GSG1L: variants seen among roughly 807,000 people sequenced by gnomAD.
GSG1L encodes the protein germ cell-specific gene 1-like protein.
A neutral mutation model predicts 42.1 loss-of-function variants in GSG1L; 24 were observed. The observed-to-expected ratio is 0.57, with a 90% CI of 0.41 to 0.80. The LOEUF (loss-of-function observed/expected upper bound fraction) is 0.80, where lower values mean the gene tolerates loss of function less well. Among genes scored for constraint, GSG1L ranks in the 30% least tolerant of loss-of-function variants. The pLI is 0.00. For missense variants in GSG1L, 445 were observed against 472.2 expected (o/e 0.94, Z 0.53); for synonymous variants, 215 against 203.5 (o/e 1.06, Z -0.48).
At chr16:27,960,424 C>A (rs1011556524) in intron 2 of GSG1L, among the ~76,000 whole-genome samples, 6 of 151,986 alleles carry the variant, frequency 3.9e-5, no homozygotes, top group African/African-American at 1.2e-4. Flanking sequence ...GTGCCAGTGT[C>A]GCGATTATCG....
In GSG1L at chr16:27,949,582, C is replaced by T. The variant is rs146607047; in HGVS notation, c.397+13574G>A. ...TTACAGTGAGCTACGATTGCACCAC[C>T]GCACTCCAGCCTGGACGATAGAGTG... On this transcript the variant is annotated intron_variant, in intron 2 of 6. Transcript: ENST00000447459. Among the ~76,000 whole-genome samples the T allele has an allele frequency of 1.5e-3, 235 of 151,858 alleles. 1 individual carries two copies. The highest frequency in any genetic ancestry group is 5.4e-3 in the African/African-American group (223 of 41,392).
intron 2 of GSG1L, among the ~76,000 whole-genome samples, chr16:27,924,490 T>C (rs573803367): frequency 2.6e-5 from 4 of 152,346 alleles, no homozygotes; most frequent in African/African-American, 9.6e-5. Flanking sequence ...GTGTTGAGTT[T>C]TTTTTGGCAT....
chr16:27,853,580 T>A (rs1457980984), intron 3 of GSG1L, among the ~76,000 whole-genome samples: 1 of 152,194 alleles, frequency 6.6e-6, no homozygotes, highest in Non-Finnish European at 1.5e-5. Flanking sequence ...TCTGCAGAGA[T>A]CATTCCAATT....
chr16:27,819,045 C>T (rs944865770), intron 5 of GSG1L, among the ~76,000 whole-genome samples: 1 of 152,052 alleles, frequency 6.6e-6, no homozygotes, highest in Non-Finnish European at 1.5e-5. Context: ...GTCAGGAGTT[C>T]AAGACCAGCC....
chr16:27,989,182 T>A (rs2085426064), intron 1 of GSG1L, among the ~76,000 whole-genome samples: 1 of 152,026 alleles, frequency 6.6e-6, no homozygotes, highest in South Asian at 2.1e-4. Flanking sequence ...TATCAAAGAG[T>A]AAAGGTTTTT....
intron 1 of GSG1L, among the ~76,000 whole-genome samples, chr16:28,023,347 C>A (rs1302406252): frequency 6.6e-6 from 1 of 152,184 alleles, no homozygotes; most frequent in Non-Finnish European, 1.5e-5. Context: ...GAATATTCCA[C>A]AATTCATTTA....
At position 27,978,446 on chromosome 16, in the gene GSG1L, A is replaced by C. The variant is rs549720151; in HGVS notation, c.350-15243T>G. Among the ~76,000 whole-genome samples, 33 of 151,468 alleles carry C rather than the reference A, an allele frequency of 2.2e-4. No homozygotes were observed. The South Asian group carries it at 6.0e-3, about 28-fold the overall frequency. ...AGTGGCTCACGCCTGTAATCCCAGCACTTTGGGAAGCCAAGGTGGGCGGAT... is the reference window on the plus strand; with the variant it reads ...AGTGGCTCACGCCTGTAATCCCAGCCCTTTGGGAAGCCAAGGTGGGCGGAT... On this transcript the variant is annotated intron_variant, in intron 1 of 6. Coordinates refer to ENST00000447459, the MANE Select transcript of GSG1L (RefSeq NM_001109763.2).
At chr16:27,824,790 C>T (rs2083190349) in intron 5 of GSG1L, among the ~76,000 whole-genome samples, 1 of 152,216 alleles carries the variant, frequency 6.6e-6, no homozygotes, top group Admixed American at 6.5e-5. Flanking sequence ...GAGGTCTTGT[C>T]TTCTGCCTCA....
chr16:28,000,206 G>A (rs1021243998), intron 1 of GSG1L, among the ~76,000 whole-genome samples: 5 of 152,204 alleles, frequency 3.3e-5, no homozygotes, highest in Admixed American at 1.3e-4. Flanking sequence ...AGTGGCTCAC[G>A]CCTATAATCC....
chr16:27,990,651 GA>G (rs539486210), intron 1 of GSG1L, among the ~76,000 whole-genome samples: 3 of 152,160 alleles, frequency 2.0e-5, no homozygotes, highest in Non-Finnish European at 4.4e-5. Context: ...ACCTCAAGAA[GA>G]AAAGAATTCA....
At chr16:27,872,605 C>T (rs1474215438) in intron 3 of GSG1L, among the ~76,000 whole-genome samples, 1 of 152,172 alleles carries the variant, frequency 6.6e-6, no homozygotes, top group Non-Finnish European at 1.5e-5. Context: ...GCAGAAGATA[C>T]AGGTCATAAA....
intron 2 of GSG1L, among the ~76,000 whole-genome samples, chr16:27,898,042 C>T (rs550970962): frequency 2.0e-5 from 3 of 152,210 alleles, no homozygotes; most frequent in Non-Finnish European, 4.4e-5. Flanking sequence ...TTGACAATGC[C>T]TCTGGCCCCT....
chr16:27,818,591 A>C (rs74630185), intron 5 of GSG1L, among the ~76,000 whole-genome samples: 2,712 of 152,230 alleles, frequency 0.018, 88 homozygotes, highest in African/African-American at 0.062. Context: ...AACATGTCTC[A>C]GAGGCTAGAC....
At chr16:27,856,798 G>A (rs1014561059) in intron 3 of GSG1L, among the ~76,000 whole-genome samples, 1 of 152,224 alleles carries the variant, frequency 6.6e-6, no homozygotes, top group African/African-American at 2.4e-5. Flanking sequence ...ATCGGATGTG[G>A]CAATGGTCAC....
rs1220385501 is a variant in GSG1L, at chr16:27,789,724, T to C, written c.*1646A>G. 1 of 140,076 alleles carries C rather than the reference T, an allele frequency of 7.1e-6. No homozygotes were observed. Among genetic ancestry groups the C allele is most frequent in the African/African-American group, 2.6e-5 (1 of 38,544 alleles). The allele number at this position is 140,076 out of a possible 1,614,324, so 8.7% of individuals were successfully genotyped here. ...GATGGATGGATGGATGGATGATGGA[T>C]GGATGGATGATGGATAGATAGCTGA... On this transcript the variant is annotated 3_prime_UTR_variant, in exon 7 of 7. Transcript: ENST00000447459.
At chr16:27,960,169 C>T (rs932349143) in intron 2 of GSG1L, among the ~76,000 whole-genome samples, 3 of 152,082 alleles carry the variant, frequency 2.0e-5, no homozygotes, top group Non-Finnish European at 4.4e-5. Context: ...ACTCACCGGA[C>T]CTCAGCTGAT....
intron 1 of GSG1L, among the ~76,000 whole-genome samples, chr16:28,021,998 G>A (rs1392043117): frequency 6.6e-6 from 1 of 152,128 alleles, no homozygotes; most frequent in East Asian, 1.9e-4. Flanking sequence ...CCTAGCCTGG[G>A]AAGTCACAGC....
chr16:27,882,598 A>G (rs569377427), intron 3 of GSG1L, among the ~76,000 whole-genome samples: 2 of 151,912 alleles, frequency 1.3e-5, no homozygotes, highest in South Asian at 2.1e-4. Context: ...TACGCTGTCC[A>G]CTCCACCTGG....
chr16:27,840,557 T>C (rs9923069), intron 4 of GSG1L, among the ~76,000 whole-genome samples: 41,169 of 152,078 alleles, frequency 0.27, 5,896 homozygotes, highest in Middle Eastern at 0.33. Flanking sequence ...GCAAACTCTG[T>C]GCTGAGTGCT....
Sources: gnomAD v4.1 joint callset for allele counts (sites outside exome capture counted in the v4.1 genomes callset) on GRCh38, gnomAD v4.1.1 for gene constraint, MANE v1.5 for transcripts, NCBI Gene and HGNC (gene_info 2026-07-23, HGNC 2026-07-21) for gene names.